The following SLC26A2 variants were observed in gnomAD, a reference collection of about 807,000 sequenced individuals.
SLC26A2 encodes the protein sulfate transporter.
SLC26A2 carries 36 observed loss-of-function variants against 41.1 expected under a neutral mutation model. That is an observed-to-expected ratio of 0.88 (90% CI 0.67 to 1.16). The LOEUF (loss-of-function observed/expected upper bound fraction) is 1.16, where lower values mean the gene tolerates loss of function less well. Among genes scored for constraint, SLC26A2 ranks in the 50% most tolerant of loss-of-function variants. SLC26A2 has a pLI of 0.00. For missense variants in SLC26A2, 796 were observed against 869.6 expected (o/e 0.92, Z 1.07); for synonymous variants, 291 against 311.6 (o/e 0.93, Z 0.70).
chr5:149,981,325 A>G lies in SLC26A2; in HGVS notation c.1732A>G (p.Ile578Val). The G allele has an allele frequency of 6.2e-7, 1 of 1,614,160 alleles. No homozygotes were observed. Among genetic ancestry groups the G allele is most frequent in the South Asian group, 1.1e-5 (1 of 91,086 alleles). Residue 578 changes from isoleucine to valine, a missense_variant, in exon 3 of 3, where the codon ATC becomes GTC. Coordinates refer to ENST00000286298, the MANE Select transcript of SLC26A2 (RefSeq NM_000112.4). ...CAAGAACCTTCAGATTAAGCCAGGCATCAAGATTTTCCGCTTTGTAGCCCC... is the reference window on the plus strand; with the variant it reads ...CAAGAACCTTCAGATTAAGCCAGGCGTCAAGATTTTCCGCTTTGTAGCCCC... The part of the protein sequence containing the change: ...AYKNLQIKPG[I>V]KIFRFVAPLY...
intron 1 of SLC26A2, among the ~76,000 whole-genome samples, chr5:149,963,885 T>C (rs1029313633): frequency 4.6e-5 from 7 of 151,866 alleles, no homozygotes; most frequent in African/African-American, 1.7e-4. Flanking sequence ...GCCTGGCCTC[T>C]GTTTTATATA....
At chr5:149,968,326 A>G (rs73271659) in intron 1 of SLC26A2, among the ~76,000 whole-genome samples, 5,897 of 152,254 alleles carry the variant, frequency 0.039, 369 homozygotes, top group African/African-American at 0.13. Flanking sequence ...TTTTTGAGGA[A>G]CCACCAAACT....
In SLC26A2 at chr5:149,980,881, T is replaced by C. The variant is rs115250230; in HGVS notation, c.1288T>C (p.Phe430Leu). The C allele has an allele frequency of 1.2e-6, 2 of 1,614,198 alleles. No individual in the cohort carries two copies. The highest frequency in any genetic ancestry group is 2.7e-5 in the African/African-American group (2 of 75,068). ...AIGFCNIIPS[F>L]FHCFTTSAAL... ...TGGCTTTTGTAATATCATCCCTTCC[T>C]TCTTCCACTGTTTTACTACTAGTGC... The change falls in exon 3 of 3, where the codon TTC becomes CTC. Residue 430 changes from phenylalanine (F) to leucine (L), a missense_variant. Phe to Leu is a conservative substitution (Grantham distance 22). Transcript: ENST00000286298.
At position 149,978,154 on chromosome 5, in the gene SLC26A2, C is replaced by T. The variant is rs745566850; in HGVS notation, c.502C>T (p.Leu168=). The T allele has an allele frequency of 5.2e-5, 83 of 1,610,952 alleles. No individual in the cohort carries two copies. The highest frequency in any genetic ancestry group is 6.7e-5 in the Non-Finnish European group (79 of 1,177,920). The part of the protein sequence containing the change: ...RHISVGIFGV[L]CLMIGETVDR... ...CATCTCTGTGGGCATTTTTGGAGTA[C>T]TGTGCCTTATGATTGGTGAGACAGT... The change falls in exon 2 of 3, where the codon CTG becomes TTG. Residue 168 remains leucine, a synonymous_variant. Coordinates refer to ENST00000286298, the MANE Select transcript of SLC26A2 (RefSeq NM_000112.4).
At chr5:149,976,610 CT>C (rs1389853340) in intron 1 of SLC26A2, among the ~76,000 whole-genome samples, 1 of 152,226 alleles carries the variant, frequency 6.6e-6, no homozygotes, top group African/African-American at 2.4e-5. Context: ...ATTTTCTTCT[CT>C]TACTCCGGTT....
At position 149,987,237 on chromosome 5, in the gene SLC26A2, A is replaced by G. The variant is rs1755214895; in HGVS notation, c.*5424A>G. The G allele has an allele frequency of 6.6e-6, 1 of 152,164 alleles. No homozygotes were observed. Among genetic ancestry groups the G allele is most frequent in the Non-Finnish European group, 1.5e-5 (1 of 68,022 alleles). 9.4% of individuals were successfully genotyped at this position (152,164 alleles called of 1,614,324 possible). A position where few individuals can be genotyped will look rare whatever the true frequency, so the allele number is the denominator to read the frequency against. On this transcript the variant is annotated 3_prime_UTR_variant, in exon 3 of 3. Transcript: ENST00000286298. ...CTTATGGGATGAGGATGAGTTATTAATGTATTGCAGCCTACTGGAAAGGAG... is the reference window on the plus strand; with the variant it reads ...CTTATGGGATGAGGATGAGTTATTAGTGTATTGCAGCCTACTGGAAAGGAG...
rs538069595 is a variant in SLC26A2 at position 149,976,314 on chromosome 5, T to C, written c.-25-1314T>C. The stretch of plus-strand genomic sequence containing the variant: ...AACAAGATGTCTTTCCTCCAGGAGC[T>C]AGAGAGATTCCTACTTCACTAATAC... On this transcript the variant is annotated intron_variant, in intron 1 of 2. Coordinates refer to ENST00000286298, the MANE Select transcript of SLC26A2 (RefSeq NM_000112.4). Among the ~76,000 whole-genome samples, 3 of 152,348 alleles carry C rather than the reference T, an allele frequency of 2.0e-5. No homozygotes were observed. The South Asian group carries it at 6.2e-4, about 32-fold the overall frequency.
At chr5:149,979,378 C>T (rs1382077836) in intron 2 of SLC26A2, among the ~76,000 whole-genome samples, 1 of 152,008 alleles carries the variant, frequency 6.6e-6, no homozygotes, top group Non-Finnish European at 1.5e-5. Flanking sequence ...GAGCTGTCTA[C>T]TCATATATAA....
At chr5:149,973,657 C>T (rs1443283990) in intron 1 of SLC26A2, among the ~76,000 whole-genome samples, 2 of 151,982 alleles carry the variant, frequency 1.3e-5, no homozygotes, top group African/African-American at 2.4e-5. Flanking sequence ...TTATTTAAGA[C>T]AGAGTCTCTC....
At chr5:149,973,361 A>G (rs1581228734) in intron 1 of SLC26A2, among the ~76,000 whole-genome samples, 1 of 151,764 alleles carries the variant, frequency 6.6e-6, no homozygotes, top group South Asian at 2.1e-4. Context: ...CATTTGTTCC[A>G]TTTCCTGGAC....
intron 1 of SLC26A2, among the ~76,000 whole-genome samples, chr5:149,965,177 T>G (rs1442565564): frequency 3.3e-5 from 5 of 152,164 alleles, no homozygotes; most frequent in Non-Finnish European, 4.4e-5. Flanking sequence ...CAAGTCATGA[T>G]TCCCCTACTT....
In SLC26A2 at chr5:149,983,939, T is replaced by C. The variant is rs564346539; in HGVS notation, c.*2126T>C. On this transcript the variant is annotated 3_prime_UTR_variant, in exon 3 of 3. Transcript: ENST00000286298. ...AGGCAGGCTTAAGTTGAGACTATTA[T>C]AGGTGTCTAATAACCTGTGACAGAG... 2.6e-5 allele frequency: 4 copies of C among 152,354 alleles called. No homozygotes were observed. Among genetic ancestry groups the C allele is most frequent in the African/African-American group, 9.6e-5 (4 of 41,584 alleles). The allele number at this position is 152,354 out of a possible 1,614,324, so 9.4% of individuals were successfully genotyped here.
chr5:149,965,050 G>A (rs1754782980), intron 1 of SLC26A2, among the ~76,000 whole-genome samples: 1 of 152,154 alleles, frequency 6.6e-6, no homozygotes, highest in Non-Finnish European at 1.5e-5. Context: ...CTAAATAGGT[G>A]AATTGTTAGT....
Position 149,981,245 on chromosome 5 carries a change from GT to G in SLC26A2, c.1654del (p.Ser552HisfsTer33). On this transcript the variant is annotated frameshift_variant, in exon 3 of 3. Transcript: ENST00000286298. LOFTEE classifies it high-confidence loss of function. Reference sequence around the variant, plus strand: ...ATCCTCCGCACTCAGAAGCCAAAGAGTTCACTGCTTGGCTTGGTGGAAGAGT... The same window carrying G: ...ATCCTCCGCACTCAGAAGCCAAAGAGTCACTGCTTGGCTTGGTGGAAGAGT... ...CVILRTQKPK[S>X]SLLGLVEESE... is the part of the protein sequence containing the mutation. 6.2e-7 allele frequency: 1 copy of G among 1,614,162 alleles called. No homozygotes were observed. The highest frequency in any genetic ancestry group is 8.5e-7 in the Non-Finnish European group (1 of 1,180,018).
rs3812007 is a variant in SLC26A2 at position 149,977,400 on chromosome 5, G to A, written c.-25-228G>A. 0.18 allele frequency among the ~76,000 whole-genome samples: 27,679 copies of A among 152,062 alleles called. 2,834 individuals carry two copies. The highest frequency in any genetic ancestry group is 0.28 in the Admixed American group (4,327 of 15,268). The stretch of plus-strand genomic sequence containing the variant: ...ATGGTTTATACTCTTGGGAAGTCCT[G>A]TACCCAGCCAGTTATTTGCTTTGAC... On this transcript the variant is annotated intron_variant, in intron 1 of 2. Coordinates refer to ENST00000286298, the MANE Select transcript of SLC26A2 (RefSeq NM_000112.4).
intron 1 of SLC26A2, chr5:149,961,965 A>G (rs1180059298): frequency 6.6e-6 from 1 of 152,238 alleles, no homozygotes; most frequent in African/African-American, 2.4e-5. Context: ...CAAACCAGCA[A>G]GTTAGGTAAT....
chr5:149,980,661 TA>T lies in SLC26A2; in HGVS notation c.1070del (p.Asn357IlefsTer22). Reference protein sequence around the residue: ...SHFGKLHENYNSSIAGHIPTG... With the variant: ...SHFGKLHENYXSSIAGHIPTG... ...ATTTTGGAAAACTACATGAAAATTATAATTCTAGTATTGCTGGACATATTCC... is the reference window on the plus strand; with the variant it reads ...ATTTTGGAAAACTACATGAAAATTATATTCTAGTATTGCTGGACATATTCC... On this transcript the variant is annotated frameshift_variant, in exon 3 of 3. Transcript: ENST00000286298. LOFTEE classifies it high-confidence loss of function. 6.2e-7 allele frequency: 1 copy of T among 1,614,044 alleles called. No individual in the cohort carries two copies. The highest frequency in any genetic ancestry group is 8.5e-7 in the Non-Finnish European group (1 of 1,179,936).
At chr5:149,975,929 G>A (rs938803075) in intron 1 of SLC26A2, among the ~76,000 whole-genome samples, 7 of 152,014 alleles carry the variant, frequency 4.6e-5, no homozygotes, top group South Asian at 2.1e-4. Flanking sequence ...AGGCTGAGGC[G>A]GATGGATCAC....
chr5:149,972,094 C>G (rs1272390358), intron 1 of SLC26A2, among the ~76,000 whole-genome samples: 1 of 152,250 alleles, frequency 6.6e-6, no homozygotes, highest in African/African-American at 2.4e-5. Context: ...AGTCTTCTTT[C>G]ATCCTTTCAA....
Sources: allele counts gnomAD v4.1 joint callset (sites outside exome capture counted in the v4.1 genomes callset), GRCh38; gene constraint gnomAD v4.1.1; transcripts MANE v1.5; gene names NCBI Gene and HGNC (gene_info 2026-07-23, HGNC 2026-07-21).